Variants in KLHL13 observed in about 807,000 individuals in gnomAD.
KLHL13 encodes kelch-like protein 13.
A neutral mutation model predicts 37.1 loss-of-function variants in KLHL13; 10 were observed. That is an observed-to-expected ratio of 0.27 (90% confidence interval 0.17 to 0.46). The LOEUF (loss-of-function observed/expected upper bound fraction) is 0.46, where lower values mean the gene tolerates loss of function less well. Among genes scored for constraint, KLHL13 ranks in the 20% least tolerant of loss-of-function variants. The pLI, the probability that KLHL13 is intolerant of heterozygous loss-of-function variation, is 1.00. For synonymous variants in KLHL13, 163 were observed against 181.2 expected, an observed-to-expected ratio of 0.90 and a Z score of 0.81; for missense variants, 360 against 509.3, an observed-to-expected ratio of 0.71 and a Z score of 2.82.
At chrX:118,007,558 A>C (rs1398992089) in intron 1 of KLHL13, among the ~76,000 whole-genome samples, 2 of 111,081 alleles carry the variant, frequency 1.8e-5, no homozygotes, top group Admixed American at 1.9e-4. Context: ...ATTTGGATTC[A>C]CTCTGCTGCT....
At chrX:118,084,734 A>T (rs1283444451) in intron 1 of KLHL13, among the ~76,000 whole-genome samples, 1 of 111,778 alleles carries the variant, frequency 8.9e-6, no homozygotes, top group African/African-American at 3.3e-5. Flanking sequence ...GTTATTAAAA[A>T]TAAGGTAATA....
chrX:118,110,455 T>C (rs1203896562), intron 1 of KLHL13, among the ~76,000 whole-genome samples: 1 of 101,568 alleles, frequency 9.8e-6, no homozygotes, highest in Non-Finnish European at 2.0e-5. Context: ...CTTGGCTCAC[T>C]GAAACCTCCA....
chrX:117,977,377 G>A (rs139597047), upstream of KLHL13, among the ~76,000 whole-genome samples: 166 of 111,448 alleles, frequency 1.5e-3, 2 homozygotes, highest in African/African-American at 5.2e-3. Flanking sequence ...TTTTCTCAAT[G>A]CATATGTTCC....
intron 1 of KLHL13, among the ~76,000 whole-genome samples, chrX:118,078,946 T>C (rs1479090936): frequency 2.7e-5 from 3 of 111,252 alleles, no homozygotes; most frequent in Non-Finnish European, 5.7e-5. Context: ...AGTTAGGTAT[T>C]CTTTTTTTAA....
At chrX:117,923,555 G>A (rs1931837989) in intron 2 of KLHL13, among the ~76,000 whole-genome samples, 1 of 111,999 alleles carries the variant, frequency 8.9e-6, no homozygotes, top group Non-Finnish European at 1.9e-5. Context: ...AAACCTTCTT[G>A]GCTTATTTGC....
At chrX:117,910,845 C>T in intron 4 of KLHL13, among the ~76,000 whole-genome samples, 2 of 111,234 alleles carry the variant, frequency 1.8e-5, no homozygotes, top group Middle Eastern at 9.2e-3. Flanking sequence ...GCCACTCTTA[C>T]TTTCAGCACA....
intron 1 of KLHL13, among the ~76,000 whole-genome samples, chrX:118,111,840 C>T (rs182231341): frequency 6.4e-4 from 71 of 111,631 alleles, no homozygotes; most frequent in African/African-American, 2.1e-3. Context: ...TGCAGTGAGC[C>T]GGGATCATGC....
chrX:118,013,578 A>G (rs1000293888), intron 1 of KLHL13, among the ~76,000 whole-genome samples: 1 of 112,177 alleles, frequency 8.9e-6, no homozygotes, highest in Non-Finnish European at 1.9e-5. Context: ...TTGGTCGAGG[A>G]AACTAAAGGA....
chrX:117,966,041 G>A (rs2147879620), intron 1 of KLHL13, among the ~76,000 whole-genome samples: 1 of 111,713 alleles, frequency 9.0e-6, no homozygotes, highest in Non-Finnish European at 1.9e-5. Flanking sequence ...CATAGTGTTG[G>A]AAGTTCTGGC....
At chrX:117,953,053 G>A (rs1261189345) in intron 1 of KLHL13, among the ~76,000 whole-genome samples, 2 of 110,494 alleles carry the variant, frequency 1.8e-5, no homozygotes, top group Non-Finnish European at 1.9e-5. Flanking sequence ...TCCCATTACT[G>A]AGTATATACC....
intron 1 of KLHL13, among the ~76,000 whole-genome samples, chrX:118,079,045 A>G (rs758003237): frequency 1.8e-5 from 2 of 111,476 alleles, no homozygotes; most frequent in South Asian, 7.5e-4. Flanking sequence ...CTAAAAATAA[A>G]AGACAATCAA....
rs2053333035 is a variant in KLHL13, at chrX:117,963,103, T to A, written c.98+9628A>T. Among the ~76,000 whole-genome samples the A allele has an allele frequency of 8.0e-5, 9 of 112,125 alleles. No individual in the cohort carries two copies. In the South Asian group the frequency reaches 3.3e-3, roughly 42 times the overall value. ...AAAGTTCTGAAACTTGTTTTTATTT[T>A]TTTGTTATTGAAGATAAGTTACTTC... is the stretch of plus-strand genomic sequence containing the variant. On this transcript the variant is annotated intron_variant, in intron 1 of 6. Transcript: ENST00000262820.
At chrX:118,032,019 C>T (rs867198224) in intron 1 of KLHL13, among the ~76,000 whole-genome samples, 34 of 111,471 alleles carry the variant, frequency 3.1e-4, no homozygotes, top group African/African-American at 1.0e-3. Context: ...CACCCGAATA[C>T]TGCGCTTTTC....
chrX:118,024,560 AT>A (rs1160019490), intron 1 of KLHL13, among the ~76,000 whole-genome samples: 34 of 111,711 alleles, frequency 3.0e-4, no homozygotes, highest in African/African-American at 9.7e-4. Context: ...ATAATAACCC[AT>A]TTTTAAATGG....
intron 1 of KLHL13, among the ~76,000 whole-genome samples, chrX:117,951,538 A>G (rs1933603259): frequency 9.0e-6 from 1 of 111,615 alleles, no homozygotes; most frequent in Non-Finnish European, 1.9e-5. Context: ...AATGACATAA[A>G]TATATTATTG....
chrX:118,116,830 G>C (rs1486293984), upstream of KLHL13: 1 of 98,406 alleles, frequency 1.0e-5, no homozygotes, highest in African/African-American at 3.7e-5. Context: ...GCTGAGGGAG[G>C]GGGGCGGGAA....
intron 1 of KLHL13, among the ~76,000 whole-genome samples, chrX:117,956,626 T>G (rs1180503762): frequency 8.9e-6 from 1 of 112,051 alleles, no homozygotes; most frequent in Non-Finnish European, 1.9e-5. Flanking sequence ...AGAGAAGTAT[T>G]CCTTTCCTTC....
intron 4 of KLHL13, among the ~76,000 whole-genome samples, chrX:117,912,530 T>C (rs2147655795): frequency 8.9e-6 from 1 of 112,139 alleles, no homozygotes; most frequent in South Asian, 3.7e-4. Context: ...AGAAAGAAAC[T>C]TAAATTTTAT....
intron 1 of KLHL13, among the ~76,000 whole-genome samples, 168 bp downstream of exon 1, chrX:118,116,340 C>G (rs934473513): frequency 1.4e-4 from 16 of 112,455 alleles, no homozygotes; most frequent in Non-Finnish European, 2.4e-4. Context: ...CGCACCAGCA[C>G]GCGGGAGAAA....
Sources: allele counts gnomAD v4.1 joint callset (sites outside exome capture counted in the v4.1 genomes callset), GRCh38; gene constraint gnomAD v4.1.1; transcripts MANE v1.5; gene names NCBI Gene and HGNC (gene_info 2026-07-23, HGNC 2026-07-21).